The following MGAT5B variants were observed in gnomAD, a reference collection of about 807,000 sequenced individuals.
MGAT5B encodes the protein alpha-1,6-mannosylglycoprotein 6-beta-N-acetylglucosaminyltransferase B.
In MGAT5B, 54 loss-of-function variants were observed where a neutral mutation model predicts 95.1. That is an observed-to-expected ratio of 0.57 (90% CI 0.46 to 0.71). MGAT5B has a LOEUF of 0.71. Ranked by LOEUF, MGAT5B falls within the 30% of genes least tolerant of loss-of-function variation. The pLI is 0.00. For missense variants in MGAT5B, 935 were observed against 1,088.6 expected (o/e 0.86, Z 1.99); for synonymous variants, 464 against 451.0 (o/e 1.03, Z -0.36).
rs988734062 is a variant in MGAT5B, at chr17:76,870,197, C to A, written c.68+1100C>A. On this transcript the variant is annotated intron_variant, in intron 1 of 17. Transcript: ENST00000569840. The surrounding 1 kb of genome is among the most constrained non-coding windows in gnomAD (Gnocchi z 5.0). ...TGCCGGCTCCAGACGGGGATGGGGG[C>A]GGGGAGACGGTGGCTCACCTGGAGC... 1.3e-5 allele frequency among the ~76,000 whole-genome samples: 2 copies of A among 152,292 alleles called. No homozygotes were observed. The highest frequency in any genetic ancestry group is 4.8e-5 in the African/African-American group (2 of 41,560).
intron 3 of MGAT5B, among the ~76,000 whole-genome samples, chr17:76,901,262 A>G (rs914290758): frequency 3.3e-5 from 5 of 152,302 alleles, no homozygotes; most frequent in African/African-American, 1.2e-4. Flanking sequence ...AACGGAGCCC[A>G]GGTTGGAAAA....
Position 76,915,163 on chromosome 17 carries a change from T to C in MGAT5B, c.1025+8976T>C, listed in dbSNP as rs1469778913. ...AAGAGAGTGCACTCATGTTTAAATG[T>C]GGCTGCAAAGGAGCCAGAACAGTAG... On this transcript the variant is annotated intron_variant, in intron 8 of 17. Transcript: ENST00000569840. This position sits in a 1 kb window ranked among gnomAD's most constrained non-coding sequence, Gnocchi z 8.7. Among the ~76,000 whole-genome samples the C allele has an allele frequency of 6.6e-6, 1 of 152,174 alleles. No homozygotes were observed. The highest frequency in any genetic ancestry group is 1.5e-5 in the Non-Finnish European group (1 of 68,026).
chr17:76,933,200 G>C lies in MGAT5B; in HGVS notation c.1423-92G>C, dbSNP rs1969550633. The C allele has an allele frequency of 3.9e-6, 6 of 1,549,514 alleles. No individual in the cohort carries two copies. The South Asian group carries it at 5.6e-5, about 14-fold the overall frequency. Reference sequence around the variant, plus strand: ...CATCTTCAGGGTTGGGGGCCCCAGAGAGGAGCTGCCTGCATGGGGTGTTGT... The same window carrying C: ...CATCTTCAGGGTTGGGGGCCCCAGACAGGAGCTGCCTGCATGGGGTGTTGT... On this transcript the variant is annotated intron_variant, in intron 11 of 17. Transcript: ENST00000569840.
intron 15 of MGAT5B, among the ~76,000 whole-genome samples, chr17:76,941,273 G>A (rs1314748476): frequency 1.3e-5 from 2 of 152,266 alleles, no homozygotes; most frequent in African/African-American, 4.8e-5. Context: ...CAGAGCGTCT[G>A]TTAATGCGGG....
rs1439627428 is a variant in MGAT5B, at chr17:76,918,522, G to A, written c.1026-6444G>A. ...GGGCAGGAAGAAAATGCTGCAGGAC[G>A]GTGTAATTCTTTCCTCATTAGTGAT... On this transcript the variant is annotated intron_variant, in intron 8 of 17. Transcript: ENST00000569840. The surrounding 1 kb of genome is among the most constrained non-coding windows in gnomAD (Gnocchi z 5.1). 3.3e-5 allele frequency among the ~76,000 whole-genome samples: 5 copies of A among 152,160 alleles called. No individual in the cohort carries two copies. Among genetic ancestry groups the A allele is most frequent in the East Asian group, 1.9e-4 (1 of 5,198 alleles).
At chr17:76,932,087 C>CT (rs550306472) in intron 10 of MGAT5B, among the ~76,000 whole-genome samples, 9 of 55,600 alleles carry the variant, frequency 1.6e-4, no homozygotes, top group East Asian at 6.7e-4. Context: ...CCTCCTCCTC[C>CT]CCCCCCCCTT....
At chr17:76,896,895 C>T (rs2145170245) in intron 3 of MGAT5B, among the ~76,000 whole-genome samples, 1 of 152,178 alleles carries the variant, frequency 6.6e-6, no homozygotes, top group African/African-American at 2.4e-5. Context: ...ACAGCAGGAG[C>T]ATCCAGGAGA....
chr17:76,905,871 TG>T lies in MGAT5B; in HGVS notation c.856-145del. 1 of 774,438 alleles carries T rather than the reference TG, an allele frequency of 1.3e-6. No homozygotes were observed. The highest frequency in any genetic ancestry group is 2.0e-6 in the Non-Finnish European group (1 of 500,544). The allele number at this position is 774,438 out of a possible 1,614,324, so 48.0% of individuals were successfully genotyped here. On this transcript the variant is annotated intron_variant, in intron 7 of 17. Coordinates refer to ENST00000569840, the MANE Select transcript of MGAT5B (RefSeq NM_001199172.2). The surrounding 1 kb of genome is among the most constrained non-coding windows in gnomAD (Gnocchi z 4.2). ...TCGCCCGTGTCCCCAGTGCCCGATC[TG>T]GTCACTCTGGTGCCGGAAAGCACCT...
chr17:76,916,448 A>C lies in MGAT5B; in HGVS notation c.1026-8518A>C, dbSNP rs1968942640. On this transcript the variant is annotated intron_variant, in intron 8 of 17. Transcript: ENST00000569840. This position sits in a 1 kb window ranked among gnomAD's most constrained non-coding sequence, Gnocchi z 5.3. The stretch of plus-strand genomic sequence containing the variant: ...CATGGAAATGACGTCGCTGGCCCTC[A>C]TGAGAGATCCATGCACCCCAGGTGG... Among the ~76,000 whole-genome samples, 1 of 152,190 alleles carries C rather than the reference A, an allele frequency of 6.6e-6. No homozygotes were observed. The highest frequency in any genetic ancestry group is 1.5e-5 in the Non-Finnish European group (1 of 68,028).
At chr17:76,932,085 T>TCCCCCCCCC (rs34615968) in intron 10 of MGAT5B, among the ~76,000 whole-genome samples, 1 of 121,894 alleles carries the variant, frequency 8.2e-6, no homozygotes, top group Admixed American at 8.6e-5. Flanking sequence ...CTCCTCCTCC[T>TCCCCCCCCC]CCCCCCCCCC....
Position 76,905,412 on chromosome 17 carries a change from C to A in MGAT5B, c.855+79C>A, listed in dbSNP as rs2145193782. The A allele has an allele frequency of 7.8e-7, 1 of 1,281,240 alleles. No homozygotes were observed. Among genetic ancestry groups the A allele is most frequent in the Non-Finnish European group, 1.1e-6 (1 of 947,116 alleles). 79.4% of individuals were successfully genotyped at this position (1,281,240 alleles called of 1,614,324 possible). A position where few individuals can be genotyped will look rare whatever the true frequency, so the allele number is the denominator to read the frequency against. On this transcript the variant is annotated intron_variant, in intron 7 of 17. Transcript: ENST00000569840. This position sits in a 1 kb window ranked among gnomAD's most constrained non-coding sequence, Gnocchi z 4.2. Reference sequence around the variant, plus strand: ...ACTTCTGAGTGGGCATGGAATAGGTCTTCAAACAAGCTGTAGTGGGCTTCT... The same window carrying A: ...ACTTCTGAGTGGGCATGGAATAGGTATTCAAACAAGCTGTAGTGGGCTTCT...
intron 3 of MGAT5B, chr17:76,882,524 AAAAGGCCTTTT>A (rs1367665647): frequency 2.0e-6 from 1 of 503,358 alleles, no homozygotes; most frequent in Non-Finnish European, 3.3e-6. Context: ...GATGAAAACT[AAAAGGCCTTTT>A]AATGACTTCT....
intron 8 of MGAT5B, among the ~76,000 whole-genome samples, chr17:76,919,175 C>A (rs563955595): frequency 9.2e-5 from 14 of 152,326 alleles, no homozygotes; most frequent in Admixed American, 3.9e-4. Context: ...AGGGTTTCTT[C>A]TATTAAGTGA....
Position 76,905,131 on chromosome 17 carries a change from GGT to G in MGAT5B, c.691-37_691-36del. On this transcript the variant is annotated intron_variant, in intron 6 of 17. Coordinates refer to ENST00000569840, the MANE Select transcript of MGAT5B (RefSeq NM_001199172.2). This position sits in a 1 kb window ranked among gnomAD's most constrained non-coding sequence, Gnocchi z 4.2. The stretch of plus-strand genomic sequence containing the variant: ...CCAGCGGGGAATGATGGTGGCCGCA[GGT>G]TGAGGGGCAGAGAGCTGAGGTCTGG... The G allele has an allele frequency of 6.4e-7, 1 of 1,572,668 alleles. No homozygotes were observed. The highest frequency in any genetic ancestry group is 8.7e-7 in the Non-Finnish European group (1 of 1,152,838).
chr17:76,881,786 C>T (rs1239858396), intron 2 of MGAT5B, among the ~76,000 whole-genome samples: 1 of 152,156 alleles, frequency 6.6e-6, no homozygotes, highest in Non-Finnish European at 1.5e-5. Flanking sequence ...GCCTTTTCTG[C>T]CATCTCACGG....
rs115811619 is a variant in MGAT5B at position 76,899,641 on chromosome 17, C to T, written c.330-2914C>T. ...CCAGGGTGGCAGAGTGAGAGCCCTT[C>T]TCTCTCTCCCTCTCTCTCTCTGTGT... On this transcript the variant is annotated intron_variant, in intron 3 of 17. Coordinates refer to ENST00000569840, the MANE Select transcript of MGAT5B (RefSeq NM_001199172.2). Among the ~76,000 whole-genome samples, 622 of 152,136 alleles carry T rather than the reference C, an allele frequency of 4.1e-3. 5 individuals carry two copies. Among genetic ancestry groups the T allele is most frequent in the African/African-American group, 0.014 (601 of 41,498 alleles).
intron 2 of MGAT5B, among the ~76,000 whole-genome samples, chr17:76,875,974 G>A (rs1471044016): frequency 6.6e-6 from 1 of 152,040 alleles, no homozygotes; most frequent in Non-Finnish European, 1.5e-5. Flanking sequence ...GGGAGAAGGA[G>A]GAGACAGACA....
At chr17:76,888,974 TG>T (rs1177755353) in intron 3 of MGAT5B, among the ~76,000 whole-genome samples, 4 of 152,188 alleles carry the variant, frequency 2.6e-5, no homozygotes, top group Admixed American at 2.0e-4. Flanking sequence ...GCCCGGAGGC[TG>T]GCTGCACGAG....
At chr17:76,886,809 C>G (rs927886791) in intron 3 of MGAT5B, among the ~76,000 whole-genome samples, 4 of 152,034 alleles carry the variant, frequency 2.6e-5, no homozygotes, top group African/African-American at 9.7e-5. Context: ...TTTGAGAGGC[C>G]GAGGTGGTCG....
Sources: allele counts gnomAD v4.1 joint callset (sites outside exome capture counted in the v4.1 genomes callset), GRCh38; gene constraint gnomAD v4.1.1; non-coding constraint Gnocchi (gnomAD v3.1); transcripts MANE v1.5; gene names NCBI Gene and HGNC (gene_info 2026-07-23, HGNC 2026-07-21).